The following CHD6 variants were observed in gnomAD, a reference collection of about 807,000 sequenced individuals.
The protein encoded by CHD6 is chromodomain helicase DNA binding protein 6.
CHD6 carries 50 observed loss-of-function variants against 276.9 expected under a neutral mutation model. That is an observed-to-expected ratio of 0.18 (90% CI 0.14 to 0.23). The LOEUF (loss-of-function observed/expected upper bound fraction) is 0.23. Among genes scored for constraint, CHD6 ranks in the 10% least tolerant of loss-of-function variants. The pLI is 1.00. For synonymous variants in CHD6, 1,173 were observed against 1,229.3 expected (o/e 0.95, Z 0.96); for missense variants, 2,564 against 3,365.8 (o/e 0.76, Z 5.89).
intron 2 of CHD6, among the ~76,000 whole-genome samples, chr20:41,540,467 A>G (rs2044919727): frequency 6.6e-6 from 1 of 152,264 alleles, no homozygotes; most frequent in South Asian, 2.1e-4. Flanking sequence ...AATTTTACAG[A>G]CTTCTATAAT....
At chr20:41,582,400 A>G (rs1489553194) in intron 1 of CHD6, among the ~76,000 whole-genome samples, 1 of 152,200 alleles carries the variant, frequency 6.6e-6, no homozygotes, top group East Asian at 1.9e-4. Context: ...GAAATGTGAA[A>G]CTTTATAATA....
chr20:41,573,282 T>C (rs1357240288), intron 1 of CHD6, among the ~76,000 whole-genome samples: 1 of 152,184 alleles, frequency 6.6e-6, no homozygotes, highest in East Asian at 1.9e-4. Context: ...TCTATGAAGT[T>C]TGAGGCAGTG....
intron 1 of CHD6, among the ~76,000 whole-genome samples, chr20:41,578,392 C>A (rs929199182): frequency 5.3e-5 from 8 of 152,150 alleles, no homozygotes; most frequent in Non-Finnish European, 1.2e-4. Flanking sequence ...AATTTCCTCA[C>A]AGTTTTTTAA....
chr20:41,499,291 C>A lies in CHD6; in HGVS notation c.915+4G>T. ...TATAAAAGCTAGAAACATGAGCCACCAACCTCCTGGACAGTCTTAGATGCC... is the reference window on the plus strand; with the variant it reads ...TATAAAAGCTAGAAACATGAGCCACAAACCTCCTGGACAGTCTTAGATGCC... On this transcript the variant is annotated splice_donor_region_variant and intron_variant, in intron 6 of 36. Transcript: ENST00000373233. The A allele has an allele frequency of 6.2e-7, 1 of 1,602,572 alleles. No individual in the cohort carries two copies. Among genetic ancestry groups the A allele is most frequent in the African/African-American group, 1.3e-5 (1 of 74,574 alleles).
rs187482819 is a variant in CHD6 at position 41,498,342 on chromosome 20, C to T, written c.916-116G>A. On this transcript the variant is annotated intron_variant, in intron 6 of 36. Transcript: ENST00000373233. ...TGATTTCCATAAAGATTTCTTAAGG[C>T]ATATTTTCATTTTCCCAGGCCTTTT... is the stretch of plus-strand genomic sequence containing the variant. 5.1e-4 allele frequency: 386 copies of T among 758,238 alleles called. 3 individuals carry two copies. In the East Asian group the frequency reaches 9.9e-3, roughly 19 times the overall value. The allele number at this position is 758,238 out of a possible 1,614,324, so 47.0% of individuals were successfully genotyped here.
At chr20:41,468,911 G>A (rs2042990370) in intron 17 of CHD6, among the ~76,000 whole-genome samples, 1 of 152,152 alleles carries the variant, frequency 6.6e-6, no homozygotes, top group South Asian at 2.1e-4. Context: ...CTATTCAGGA[G>A]GCTGAGGTGG....
rs559148305 is a variant in CHD6, at chr20:41,493,823, G to A, written c.1179+35C>T. On this transcript the variant is annotated intron_variant, in intron 9 of 36. Coordinates refer to ENST00000373233, the MANE Select transcript of CHD6 (RefSeq NM_032221.5). ...TTAAAACAAGTGAAATACGTGGAAA[G>A]AAGGGAAGATGCTTCAGGAGAGGCA... is the stretch of plus-strand genomic sequence containing the variant. The A allele has an allele frequency of 3.8e-5, 61 of 1,586,958 alleles. 2 individuals carry two copies. In the South Asian group the frequency reaches 5.3e-4, roughly 14 times the overall value.
intron 1 of CHD6, among the ~76,000 whole-genome samples, chr20:41,554,443 G>T (rs1379931792): frequency 6.6e-6 from 1 of 151,358 alleles, no homozygotes. Context: ...CGCAGAGGGG[G>T]ATTTGGCAGG....
intron 25 of CHD6, 26 bp downstream of exon 25, chr20:41,445,639 G>A: frequency 6.6e-7 from 1 of 1,504,826 alleles, no homozygotes; most frequent in African/African-American, 1.4e-5. Flanking sequence ...TGATACAGAA[G>A]GGAACGCCTT....
intron 5 of CHD6, among the ~76,000 whole-genome samples, chr20:41,503,136 G>T (rs1445358746): frequency 3.3e-5 from 5 of 151,950 alleles, no homozygotes; most frequent in Non-Finnish European, 1.5e-5. Context: ...GTTATTCCAG[G>T]GTATCTGATA....
intron 32 of CHD6, 79 bp from the exon 33 acceptor site, chr20:41,416,873 G>A: frequency 8.1e-7 from 1 of 1,228,682 alleles, no homozygotes; most frequent in African/African-American, 1.5e-5. Flanking sequence ...CAAGGGTTAA[G>A]CTTTTCACCA....
chr20:41,555,243 C>A (rs2045210693), intron 1 of CHD6, among the ~76,000 whole-genome samples: 1 of 134,162 alleles, frequency 7.5e-6, no homozygotes, highest in South Asian at 2.5e-4. Flanking sequence ...GGCTGACCCC[C>A]CCACCTCCCT....
chr20:41,578,163 C>G (rs545276507), intron 1 of CHD6, among the ~76,000 whole-genome samples: 2 of 152,084 alleles, frequency 1.3e-5, no homozygotes, highest in Non-Finnish European at 2.9e-5. Context: ...GCAAGCCCCC[C>G]ACGCCCCCAA....
chr20:41,516,303 G>C (rs1054505706), intron 3 of CHD6, among the ~76,000 whole-genome samples: 1 of 152,046 alleles, frequency 6.6e-6, no homozygotes, highest in African/African-American at 2.4e-5. Flanking sequence ...GGGATTACAG[G>C]TGTCCGTCAC....
chr20:41,603,669 C>T (rs1156352320), intron 1 of CHD6, among the ~76,000 whole-genome samples: 1 of 152,104 alleles, frequency 6.6e-6, no homozygotes, highest in Non-Finnish European at 1.5e-5. Flanking sequence ...AGTTGGAGAC[C>T]AGCTTGGGCA....
chr20:41,503,681 G>A (rs1170438081), intron 5 of CHD6, among the ~76,000 whole-genome samples: 1 of 151,966 alleles, frequency 6.6e-6, no homozygotes, highest in African/African-American at 2.4e-5. Flanking sequence ...TGAATCTACT[G>A]GTTGATATCT....
chr20:41,437,248 T>C (rs370886709), intron 27 of CHD6, 26 bp downstream of exon 27: 35 of 1,574,442 alleles, frequency 2.2e-5, no homozygotes, highest in Non-Finnish European at 7.0e-6. Flanking sequence ...ACGGTGTAAA[T>C]GACCAATACT....
chr20:41,508,845 A>G lies in CHD6; in HGVS notation c.852+4001T>C, dbSNP rs543493544. Among the ~76,000 whole-genome samples, 3 of 152,270 alleles carry G rather than the reference A, an allele frequency of 2.0e-5. No individual in the cohort carries two copies. The East Asian group carries it at 5.8e-4, about 29-fold the overall frequency. On this transcript the variant is annotated intron_variant, in intron 5 of 36. Coordinates refer to ENST00000373233, the MANE Select transcript of CHD6 (RefSeq NM_032221.5). ...AAAAAATGCCAGTATAAGGAAATGG[A>G]GGAAACAAAAGCCTGGGAGAAAAGA...
chr20:41,559,497 G>C (rs976160346), intron 1 of CHD6, among the ~76,000 whole-genome samples: 1 of 152,130 alleles, frequency 6.6e-6, no homozygotes, highest in Non-Finnish European at 1.5e-5. Flanking sequence ...TGAGTGCTTT[G>C]CAGCATTTTA....
Sources: allele counts gnomAD v4.1 joint callset (sites outside exome capture counted in the v4.1 genomes callset), GRCh38; gene constraint gnomAD v4.1.1; transcripts MANE v1.5; gene names NCBI Gene and HGNC (gene_info 2026-07-23, HGNC 2026-07-21).